ZNF142: variants seen among roughly 807,000 people sequenced by gnomAD.
The protein encoded by ZNF142 is zinc finger protein 142 (clone pHZ-49).
Under a neutral mutation model 132.1 loss-of-function variants are expected in ZNF142, and 96 were observed. That is an observed-to-expected ratio of 0.73 (90% CI 0.62 to 0.86). ZNF142 has a LOEUF of 0.86. Ranked by LOEUF, ZNF142 falls within the 40% of genes least tolerant of loss-of-function variation. The pLI, the probability that ZNF142 is intolerant of heterozygous loss-of-function variation, is 0.00. For synonymous variants in ZNF142, 842 were observed against 890.1 expected (o/e 0.95, Z 0.96); for missense variants, 2,163 against 2,336.2 (o/e 0.93, Z 1.53).
At position 218,633,618 on chromosome 2, in the gene ZNF142, T is replaced by C. The variant is rs1160575183; in HGVS notation, c.*4721A>G. 1 of 1,613,446 alleles carries C rather than the reference T, an allele frequency of 6.2e-7. No individual in the cohort carries two copies. Among genetic ancestry groups the C allele is most frequent in the Non-Finnish European group, 8.5e-7 (1 of 1,179,524 alleles). Reference sequence around the variant, plus strand: ...CACCTTCTCCAGAAATCCAAGCCCATCTTGTGTCCAGCCCTCTCTTCCCTG... The same window carrying C: ...CACCTTCTCCAGAAATCCAAGCCCACCTTGTGTCCAGCCCTCTCTTCCCTG... On this transcript the variant is annotated 3_prime_UTR_variant, in exon 11 of 11. Transcript: ENST00000411696.
intron 4 of ZNF142, among the ~76,000 whole-genome samples, chr2:218,652,981 T>TG (rs1553591173): frequency 2.0e-5 from 3 of 149,256 alleles, no homozygotes; most frequent in African/African-American, 7.4e-5. Context: ...TTTTTGTTGT[T>TG]AAAAAAAAAA....
chr2:218,649,081 G>T lies in ZNF142; in HGVS notation c.1427C>A (p.Thr476Lys). 1 of 1,613,858 alleles carries T rather than the reference G, an allele frequency of 6.2e-7. No homozygotes were observed. ...QALKEHLKSH[T>K]AAAAAEPLPL... ...TAATGGCTCTGCTGCGGCTGCTGCC[G>T]TGTGGCTCTTGAGGTGCTCCTTTAG... is the stretch of plus-strand genomic sequence containing the variant. The change falls in exon 7 of 11, where the codon ACG becomes AAG. Residue 476 changes from threonine (T) to lysine (K), a missense_variant. Coordinates refer to ENST00000411696, the MANE Select transcript of ZNF142 (RefSeq NM_001379659.1).
rs757087478 is a variant in ZNF142 at position 218,643,598 on chromosome 2, G to T, written c.3518C>A (p.Thr1173Lys). 1 of 1,569,330 alleles carries T rather than the reference G, an allele frequency of 6.4e-7. No individual in the cohort carries two copies. Among genetic ancestry groups the T allele is most frequent in the South Asian group, 1.2e-5 (1 of 83,480 alleles). ...PVPPAGNSLP[T>K]EAPKKHCFDP... is the part of the protein sequence containing the mutation. ...AAAGCAGTGCTTCTTAGGGGCCTCT[G>T]TGGGCAAGGAGTTTCCTGCAGGAGG... The change falls in exon 9 of 11, where the codon ACA becomes AAA. Residue 1173 changes from threonine to lysine, a missense_variant. Coordinates refer to ENST00000411696, the MANE Select transcript of ZNF142 (RefSeq NM_001379659.1).
rs1357251285 is a variant in ZNF142, at chr2:218,634,021, G to A, written c.*4318C>T. On this transcript the variant is annotated 3_prime_UTR_variant, in exon 11 of 11. Coordinates refer to ENST00000411696, the MANE Select transcript of ZNF142 (RefSeq NM_001379659.1). This position sits in a 1 kb window ranked among gnomAD's most constrained non-coding sequence, Gnocchi z 4.0. ...GCCAGCTTCAGATGCTGGAGAGAAGGGTGAAGAGTAGGCATGGTCCTTGGG... is the reference window on the plus strand; with the variant it reads ...GCCAGCTTCAGATGCTGGAGAGAAGAGTGAAGAGTAGGCATGGTCCTTGGG... 11 of 1,507,944 alleles carry A rather than the reference G, an allele frequency of 7.3e-6. No individual in the cohort carries two copies. The highest frequency in any genetic ancestry group is 6.9e-5 in the African/African-American group (5 of 72,098). 93.4% of individuals were successfully genotyped at this position (1,507,944 alleles called of 1,614,324 possible).
At position 218,633,819 on chromosome 2, in the gene ZNF142, T is replaced by C. The variant is rs553015969; in HGVS notation, c.*4520A>G. ...GTGGGATGGATAGGTTCAGGCCTGA[T>C]GGACTGGCAGGTAAGTCCCAAGAAA... is the stretch of plus-strand genomic sequence containing the variant. On this transcript the variant is annotated 3_prime_UTR_variant, in exon 11 of 11. Coordinates refer to ENST00000411696, the MANE Select transcript of ZNF142 (RefSeq NM_001379659.1). The C allele has an allele frequency of 6.3e-7, 1 of 1,583,886 alleles. No individual in the cohort carries two copies. Among genetic ancestry groups the C allele is most frequent in the Non-Finnish European group, 8.6e-7 (1 of 1,157,588 alleles).
chr2:218,634,726 T>G lies in ZNF142; in HGVS notation c.*3613A>C, dbSNP rs899384870. ...GCCTGACCGGAATGTAGAGGCCGGA[T>G]AGCCTATTAACAGTGTCTAGTTTTA... On this transcript the variant is annotated 3_prime_UTR_variant, in exon 11 of 11. Coordinates refer to ENST00000411696, the MANE Select transcript of ZNF142 (RefSeq NM_001379659.1). The surrounding 1 kb of genome is among the most constrained non-coding windows in gnomAD (Gnocchi z 4.0). The G allele has an allele frequency of 6.5e-6, 9 of 1,388,130 alleles. No individual in the cohort carries two copies. Among genetic ancestry groups the G allele is most frequent in the Middle Eastern group, 2.1e-4 (1 of 4,812 alleles). 86.0% of individuals were successfully genotyped at this position (1,388,130 alleles called of 1,614,324 possible). A position where few individuals can be genotyped will look rare whatever the true frequency, so the allele number is the denominator to read the frequency against.
Position 218,636,228 on chromosome 2 carries a change from T to C in ZNF142, c.*2111A>G. The C allele has an allele frequency of 6.2e-7, 1 of 1,611,948 alleles. No individual in the cohort carries two copies. Among genetic ancestry groups the C allele is most frequent in the South Asian group, 1.1e-5 (1 of 91,048 alleles). On this transcript the variant is annotated 3_prime_UTR_variant, in exon 11 of 11. Coordinates refer to ENST00000411696, the MANE Select transcript of ZNF142 (RefSeq NM_001379659.1). ...GTCATAATGTCTTCTTATTTCTTTC[T>C]GTCCACCAACTCAGGTTTTAATCCA...
At chr2:218,652,664 A>C (rs972192426) in intron 4 of ZNF142, among the ~76,000 whole-genome samples, 2 of 152,258 alleles carry the variant, frequency 1.3e-5, no homozygotes, top group African/African-American at 4.8e-5. Context: ...ATAAATGGTT[A>C]AGAGCTTTAC....
rs1697576877 is a variant in ZNF142 at position 218,644,679 on chromosome 2, C to G, written c.2437G>C (p.Glu813Gln). 6.2e-7 allele frequency: 1 copy of G among 1,614,240 alleles called. No individual in the cohort carries two copies. The highest frequency in any genetic ancestry group is 2.2e-5 in the East Asian group (1 of 44,886). Residue 813 changes from glutamate (E) to glutamine (Q), a missense_variant, in exon 9 of 11, where the codon GAG becomes CAG. Around this residue, in one of 7 missense-constraint regions of ZNF142, gnomAD observed 749 missense variants for 830.3 expected, o/e 0.90. Coordinates refer to ENST00000411696, the MANE Select transcript of ZNF142 (RefSeq NM_001379659.1). The surrounding 1 kb of genome is among the most constrained non-coding windows in gnomAD (Gnocchi z 4.6). ...GGGCCCTGCATGGCCCCTTCTGGCT[C>G]CTGGCTTGCATAGCGGAGCTGCCAG... ...QAWQLRYASQ[E>Q]PEGAMQGPTP...
Position 218,658,769 on chromosome 2 carries a change from GGACGCTGAGCCGTCAA to G in ZNF142, c.-119_-104del, listed in dbSNP as rs1938917172. On this transcript the variant is annotated 5_prime_UTR_variant, in exon 3 of 11. Transcript: ENST00000411696. ...CATGGCCTCCGGGGGGAGCCAAGGA[GGACGCTGAGCCGTCAA>G]GATTAAGAACCTTCACCTGCGGGAG... 1 of 152,064 alleles carries G rather than the reference GGACGCTGAGCCGTCAA, an allele frequency of 6.6e-6. No homozygotes were observed. Among genetic ancestry groups the G allele is most frequent in the African/African-American group, 2.4e-5 (1 of 41,392 alleles). 9.4% of individuals were successfully genotyped at this position (152,064 alleles called of 1,614,324 possible).
chr2:218,645,286 A>G (rs989605608), intron 8 of ZNF142, among the ~76,000 whole-genome samples: 1 of 152,212 alleles, frequency 6.6e-6, no homozygotes, highest in East Asian at 1.9e-4. Flanking sequence ...TTGGTTACAA[A>G]GTAAGCCAGG....
In ZNF142 at chr2:218,642,663, C is replaced by T; in HGVS notation, c.4453G>A (p.Ala1485Thr). Residue 1485 changes from alanine to threonine, a missense_variant, in exon 9 of 11, where the codon GCC becomes ACC. Physicochemically the swap from Ala to Thr is moderately conservative, Grantham distance 58. Coordinates refer to ENST00000411696, the MANE Select transcript of ZNF142 (RefSeq NM_001379659.1). The surrounding 1 kb of genome is among the most constrained non-coding windows in gnomAD (Gnocchi z 4.6). ...HVNSCHQGTP[A>T]FACSQCEAQF... ...GCTTCACACTGGGAGCAGGCAAAGG[C>T]TGGGGTGCCTTGGTGGCAGCTGTTG... is the stretch of plus-strand genomic sequence containing the variant. 4 of 1,614,094 alleles carry T rather than the reference C, an allele frequency of 2.5e-6. No homozygotes were observed. The highest frequency in any genetic ancestry group is 3.4e-6 in the Non-Finnish European group (4 of 1,180,030).
rs1422217279 is a variant in ZNF142 at position 218,645,666 on chromosome 2, C to T, written c.2051+505G>A. 4.6e-5 allele frequency among the ~76,000 whole-genome samples: 7 copies of T among 152,158 alleles called. No individual in the cohort carries two copies. In the East Asian group the frequency reaches 7.7e-4, roughly 17 times the overall value. ...CCCTTCCCAGAGCCCAGAGAGTGCTCGCTATGTGACTGAGCCACAGTCACA... is the reference window on the plus strand; with the variant it reads ...CCCTTCCCAGAGCCCAGAGAGTGCTTGCTATGTGACTGAGCCACAGTCACA... On this transcript the variant is annotated intron_variant, in intron 8 of 10. Coordinates refer to ENST00000411696, the MANE Select transcript of ZNF142 (RefSeq NM_001379659.1).
At position 218,648,843 on chromosome 2, in the gene ZNF142, C is replaced by G; in HGVS notation, c.1665G>C (p.Lys555Asn). Residue 555 changes from lysine (K) to asparagine (N), a missense_variant, in exon 7 of 11, where the codon AAG becomes AAC. Transcript: ENST00000411696. ...GCTTCTTGTGTTTACGGAATAGGTG[C>G]TTATTGGAACAAGCAAAATCACAGT... Reference protein sequence around the residue: ...CPHCDFACSNKHLFRKHKKQG... With the variant: ...CPHCDFACSNNHLFRKHKKQG... The G allele has an allele frequency of 6.2e-7, 1 of 1,614,240 alleles. No homozygotes were observed. The highest frequency in any genetic ancestry group is 8.5e-7 in the Non-Finnish European group (1 of 1,180,052).
rs1459077297 is a variant in ZNF142 at position 218,642,923 on chromosome 2, T to C, written c.4193A>G (p.Lys1398Arg). The C allele has an allele frequency of 1.2e-6, 2 of 1,613,762 alleles. No homozygotes were observed. The highest frequency in any genetic ancestry group is 1.7e-6 in the Non-Finnish European group (2 of 1,179,958). ...QHRRLKHEGV[K>R]PHQCPFCDFS... Reference sequence around the variant, plus strand: ...GTCACAGAAGGGGCACTGATGGGGCTTCACCCCCTCGTGCTTGAGCCGCCG... The same window carrying C: ...GTCACAGAAGGGGCACTGATGGGGCCTCACCCCCTCGTGCTTGAGCCGCCG... The change falls in exon 9 of 11, where the codon AAG becomes AGG. Residue 1398 changes from lysine to arginine, a missense_variant. Transcript: ENST00000411696. The surrounding 1 kb of genome is among the most constrained non-coding windows in gnomAD (Gnocchi z 4.6).
At chr2:218,648,559 G>T (rs6723570) in intron 7 of ZNF142, 76 bp downstream of exon 7, 3 of 1,413,094 alleles carry the variant, frequency 2.1e-6, no homozygotes, top group South Asian at 1.4e-5. Context: ...ATGAGAAAAC[G>T]TATGCAAGAC....
Position 218,637,092 on chromosome 2 carries a change from TAAGAG to T in ZNF142, c.*1242_*1246del, listed in dbSNP as rs1696809524. 5 of 362,468 alleles carry T rather than the reference TAAGAG, an allele frequency of 1.4e-5. No homozygotes were observed. The highest frequency in any genetic ancestry group is 1.1e-5 in the Non-Finnish European group (2 of 185,228). 22.5% of individuals were successfully genotyped at this position (362,468 alleles called of 1,614,324 possible). ...GACCCCAGGACTGTACTACGACTCT[TAAGAG>T]AACACTGCACAGCACTCAAAGTCCC... On this transcript the variant is annotated 3_prime_UTR_variant, in exon 11 of 11. Transcript: ENST00000411696.
In ZNF142 at chr2:218,636,446, A is replaced by G. The variant is rs747133952; in HGVS notation, c.*1893T>C. The G allele has an allele frequency of 6.2e-7, 1 of 1,613,906 alleles. No homozygotes were observed. Among genetic ancestry groups the G allele is most frequent in the Non-Finnish European group, 8.5e-7 (1 of 1,179,854 alleles). ...ATACCCCAGCTCTGGCTGCCTTCCT[A>G]ATGCTGTCCTCCTGCCCCTTCCAGG... On this transcript the variant is annotated 3_prime_UTR_variant, in exon 11 of 11. Transcript: ENST00000411696.
intron 3 of ZNF142, among the ~76,000 whole-genome samples, chr2:218,658,347 C>T (rs1231933289): frequency 1.3e-5 from 2 of 152,170 alleles, no homozygotes; most frequent in African/African-American, 2.4e-5. Flanking sequence ...CGAGACCAGC[C>T]TGGCGAACAT....
Sources: allele counts gnomAD v4.1 joint callset (sites outside exome capture counted in the v4.1 genomes callset), GRCh38; gene constraint gnomAD v4.1.1; regional missense constraint gnomAD v4.1.1; non-coding constraint Gnocchi (gnomAD v3.1); transcripts MANE v1.5; gene names NCBI Gene and HGNC (gene_info 2026-07-23, HGNC 2026-07-21).